The following GPC6 variants were observed in gnomAD, a reference collection of about 807,000 sequenced individuals.
GPC6 encodes the protein glypican-6.
GPC6 carries 14 observed loss-of-function variants against 55.2 expected under a neutral mutation model. That is an observed-to-expected ratio of 0.25 (90% CI 0.17 to 0.40). GPC6 has a LOEUF of 0.40. Ranked by LOEUF, GPC6 falls within the 10% of genes least tolerant of loss-of-function variation. The pLI, the probability that GPC6 is intolerant of heterozygous loss-of-function variation, is 1.00. For synonymous variants in GPC6, 278 were observed against 259.6 expected (o/e 1.07, Z -0.68); for missense variants, 641 against 708.5 (o/e 0.90, Z 1.08).
intron 7 of GPC6, among the ~76,000 whole-genome samples, chr13:94,385,516 A>G (rs1342546158): frequency 1.3e-5 from 2 of 152,248 alleles, no homozygotes; most frequent in East Asian, 3.8e-4. Flanking sequence ...ATTTGGTCCA[A>G]TAAAATATAT....
chr13:93,437,542 AG>A (rs1177904091), intron 1 of GPC6, among the ~76,000 whole-genome samples: 1 of 152,228 alleles, frequency 6.6e-6, no homozygotes, highest in African/African-American at 2.4e-5. Context: ...CGATCAAACC[AG>A]TCACAACATT....
In GPC6 at chr13:93,374,289, G is replaced by C. The variant is rs113735068; in HGVS notation, c.160+146673G>C. Among the ~76,000 whole-genome samples the C allele has an allele frequency of 7.3e-3, 1,109 of 152,270 alleles. 15 individuals carry two copies. Among genetic ancestry groups the C allele is most frequent in the African/African-American group, 0.025 (1,057 of 41,550 alleles). ...GGTAAATAAAACCCTAGGGATTGCG[G>C]AGCAGGTGGGCAGAACCAAAAGTAG... On this transcript the variant is annotated intron_variant, in intron 1 of 8. Coordinates refer to ENST00000377047, the MANE Select transcript of GPC6 (RefSeq NM_005708.5).
chr13:93,568,763 T>G (rs1445667990), intron 2 of GPC6, among the ~76,000 whole-genome samples: 1 of 152,218 alleles, frequency 6.6e-6, no homozygotes, highest in African/African-American at 2.4e-5. Flanking sequence ...ACCCATCCAG[T>G]TTAATCATAT....
At chr13:93,870,785 C>T (rs896364100) in intron 3 of GPC6, among the ~76,000 whole-genome samples, 7 of 151,684 alleles carry the variant, frequency 4.6e-5, no homozygotes, top group Non-Finnish European at 7.4e-5. Context: ...CAAAATAAAA[C>T]AAGGTTTTGC....
intron 1 of GPC6, among the ~76,000 whole-genome samples, chr13:93,337,789 T>C (rs1880100619): frequency 1.3e-5 from 2 of 152,326 alleles, no homozygotes; most frequent in Non-Finnish European, 2.9e-5. Context: ...TCACAGGGTT[T>C]CCACTACCCT....
intron 3 of GPC6, among the ~76,000 whole-genome samples, chr13:93,863,538 A>G (rs1184446690): frequency 1.3e-5 from 2 of 151,682 alleles, no homozygotes; most frequent in African/African-American, 4.8e-5. Context: ...TATTCTTCAC[A>G]CATTATCTGT....
chr13:93,823,064 C>T (rs991766242), intron 2 of GPC6, among the ~76,000 whole-genome samples: 20 of 151,754 alleles, frequency 1.3e-4, no homozygotes, highest in Admixed American at 3.3e-4. Flanking sequence ...AGGGTTTCAC[C>T]GTGTTAGCCA....
chr13:93,733,276 A>G (rs1397236312), intron 2 of GPC6, among the ~76,000 whole-genome samples: 3 of 152,106 alleles, frequency 2.0e-5, no homozygotes, highest in Non-Finnish European at 2.9e-5. Context: ...AAGTAATACT[A>G]TGTATTTTAA....
intron 7 of GPC6, among the ~76,000 whole-genome samples, chr13:94,389,007 G>T (rs1272611603): frequency 6.6e-6 from 1 of 152,192 alleles, no homozygotes; most frequent in Non-Finnish European, 1.5e-5. Context: ...ACTTGAGAAA[G>T]ACAGCCTAGT....
intron 4 of GPC6, among the ~76,000 whole-genome samples, chr13:94,054,304 G>A (rs1884056367): frequency 1.3e-5 from 2 of 152,178 alleles, no homozygotes; most frequent in East Asian, 1.9e-4. Context: ...ATTGTCACTC[G>A]CAAAGCCCAG....
At chr13:93,769,433 CA>C (rs11423382) in intron 2 of GPC6, among the ~76,000 whole-genome samples, 180 of 133,596 alleles carry the variant, frequency 1.3e-3, no homozygotes, top group Middle Eastern at 3.9e-3. Context: ...CTGCACGTGA[CA>C]AAAAAAAAAA....
At chr13:93,783,192 C>T (rs781022899) in intron 2 of GPC6, among the ~76,000 whole-genome samples, 6 of 152,142 alleles carry the variant, frequency 3.9e-5, no homozygotes, top group Non-Finnish European at 8.8e-5. Flanking sequence ...GGTGTATACA[C>T]ACATTTTTAT....
chr13:93,977,467 G>GGGGTGT (rs1274439604), intron 3 of GPC6, among the ~76,000 whole-genome samples: 1 of 137,286 alleles, frequency 7.3e-6, no homozygotes, highest in African/African-American at 2.7e-5. Context: ...GATGACAAGG[G>GGGGTGT]GTGTGTGTGT....
At chr13:93,446,897 TA>T (rs142833192) in intron 1 of GPC6, among the ~76,000 whole-genome samples, 6 of 151,148 alleles carry the variant, frequency 4.0e-5, no homozygotes, top group African/African-American at 1.5e-4. Context: ...TTTATGAAAA[TA>T]AAAAAAGAAT....
intron 1 of GPC6, among the ~76,000 whole-genome samples, chr13:93,454,838 G>A (rs962949386): frequency 6.6e-6 from 1 of 152,370 alleles, no homozygotes; most frequent in Middle Eastern, 3.4e-3. Context: ...GGAGCAGGGG[G>A]TGGAGCTGTC....
intron 2 of GPC6, among the ~76,000 whole-genome samples, chr13:93,634,748 G>A (rs1415002781): frequency 1.3e-5 from 2 of 152,206 alleles, no homozygotes; most frequent in Non-Finnish European, 2.9e-5. Context: ...TATCAGGAAA[G>A]CAAAGGCTTT....
At chr13:93,921,698 A>G (rs1384652470) in intron 3 of GPC6, among the ~76,000 whole-genome samples, 1 of 151,192 alleles carries the variant, frequency 6.6e-6, no homozygotes, top group East Asian at 2.0e-4. Flanking sequence ...TGGGGTTTAT[A>G]TGGGTACAGG....
intron 3 of GPC6, among the ~76,000 whole-genome samples, chr13:93,886,691 A>G (rs1194169099): frequency 6.6e-6 from 1 of 151,194 alleles, no homozygotes; most frequent in African/African-American, 2.4e-5. Flanking sequence ...ATGGACAGGC[A>G]TACAATGACG....
chr13:94,324,623 G>A (rs914355222), intron 6 of GPC6, among the ~76,000 whole-genome samples: 1 of 151,752 alleles, frequency 6.6e-6, no homozygotes, highest in Non-Finnish European at 1.5e-5. Flanking sequence ...GAGGCACAAA[G>A]TTAAGACTTA....
Sources: gnomAD v4.1 joint callset for allele counts (sites outside exome capture counted in the v4.1 genomes callset) on GRCh38, gnomAD v4.1.1 for gene constraint, MANE v1.5 for transcripts, NCBI Gene and HGNC (gene_info 2026-07-23, HGNC 2026-07-21) for gene names.